The following TNR variants were observed in gnomAD, a reference collection of about 807,000 sequenced individuals.
TNR encodes the protein tenascin-R.
TNR carries 45 observed loss-of-function variants against 150.4 expected under a neutral mutation model. The ratio of observed to expected loss-of-function variants is 0.30; its 90% CI spans 0.24 to 0.38. The LOEUF (loss-of-function observed/expected upper bound fraction) is 0.38. TNR is among the 10% of genes least tolerant of loss of function. The probability of loss-of-function intolerance (pLI) is 1.00; values close to 1 mark genes in which losing one functional copy is unlikely to be tolerated. For missense variants in TNR, 1,544 were observed against 1,759.1 expected, an observed-to-expected ratio of 0.88 and a Z score of 2.19; for synonymous variants, 687 against 678.4, an observed-to-expected ratio of 1.01 and a Z score of -0.20.
At chr1:175,573,269 C>T (rs1661959954) in intron 1 of TNR, among the ~76,000 whole-genome samples, 1 of 152,184 alleles carries the variant, frequency 6.6e-6, no homozygotes, top group African/African-American at 2.4e-5. Context: ...TGTTTTGTAC[C>T]AGTAAAAGAT....
At chr1:175,459,863 G>T (rs1656737648) in intron 2 of TNR, among the ~76,000 whole-genome samples, 1 of 88,864 alleles carries the variant, frequency 1.1e-5, no homozygotes, top group South Asian at 3.5e-4. Context: ...CTATTGAAAT[G>T]AAAGAACAAG....
At position 175,413,384 on chromosome 1, in the gene TNR, C is replaced by T. The variant is rs561611099; in HGVS notation, c.-63-6607G>A. Among the ~76,000 whole-genome samples the T allele has an allele frequency of 1.5e-3, 232 of 152,330 alleles. 2 individuals carry two copies. Among genetic ancestry groups the T allele is most frequent in the African/African-American group, 4.7e-3 (194 of 41,580 alleles). ...ATTTTGCAGCTTGCCATGAGGAAGGCGTGGCCTAATGCTGTGGCATGTCTG... is the reference window on the plus strand; with the variant it reads ...ATTTTGCAGCTTGCCATGAGGAAGGTGTGGCCTAATGCTGTGGCATGTCTG... On this transcript the variant is annotated intron_variant, in intron 2 of 22. Transcript: ENST00000367674.
At chr1:175,738,885 C>T (rs1667846434) in intron 1 of TNR, among the ~76,000 whole-genome samples, 3 of 152,220 alleles carry the variant, frequency 2.0e-5, no homozygotes, top group Admixed American at 2.0e-4. Context: ...GGTAGGAAAT[C>T]TCATCTTTAT....
Position 175,396,098 on chromosome 1 carries a change from G to T in TNR, c.1240+446C>A, listed in dbSNP as rs112788644. ...AGGAGAAGGGGATGTTGTCAGCTGT[G>T]GTTTTAAATAAGATTTTTTTCTCAC... On this transcript the variant is annotated intron_variant, in intron 5 of 22. Coordinates refer to ENST00000367674, the MANE Select transcript of TNR (RefSeq NM_003285.3). Among the ~76,000 whole-genome samples, 9 of 152,266 alleles carry T rather than the reference G, an allele frequency of 5.9e-5. 1 individual carries two copies. The highest frequency in any genetic ancestry group is 2.2e-4 in the African/African-American group (9 of 41,546).
chr1:175,521,125 A>C (rs1264292009), intron 2 of TNR, among the ~76,000 whole-genome samples: 2 of 152,206 alleles, frequency 1.3e-5, no homozygotes, highest in Admixed American at 6.5e-5. Flanking sequence ...TTTGAGGGGC[A>C]GGAAGATTCC....
At chr1:175,430,548 G>A (rs906359728) in intron 2 of TNR, among the ~76,000 whole-genome samples, 1 of 152,164 alleles carries the variant, frequency 6.6e-6, no homozygotes, top group Non-Finnish European at 1.5e-5. Flanking sequence ...CATGGAATCA[G>A]AAAGCAGAAT....
intron 2 of TNR, among the ~76,000 whole-genome samples, chr1:175,408,249 T>A (rs947037235): frequency 9.2e-5 from 14 of 152,190 alleles, no homozygotes; most frequent in Admixed American, 4.6e-4. Flanking sequence ...AGTGCATAGT[T>A]GTTGAATAAG....
intron 2 of TNR, among the ~76,000 whole-genome samples, chr1:175,491,944 A>G (rs1333890713): frequency 6.7e-6 from 1 of 150,150 alleles, no homozygotes; most frequent in Non-Finnish European, 1.5e-5. Context: ...CACCACGCCC[A>G]GCCAGGCCCA....
intron 2 of TNR, among the ~76,000 whole-genome samples, chr1:175,496,020 G>A (rs1027293576): frequency 6.6e-6 from 1 of 152,160 alleles, no homozygotes; most frequent in Non-Finnish European, 1.5e-5. Context: ...CCTGCTGGCT[G>A]ATGTTTAACA....
At chr1:175,670,261 A>G (rs1156943940) in intron 1 of TNR, among the ~76,000 whole-genome samples, 8 of 152,110 alleles carry the variant, frequency 5.3e-5, no homozygotes, top group Non-Finnish European at 1.0e-4. Flanking sequence ...GTCAAAGCCC[A>G]TTTGGGGATT....
At chr1:175,341,977 G>A (rs1048328556) in intron 18 of TNR, among the ~76,000 whole-genome samples, 4 of 152,242 alleles carry the variant, frequency 2.6e-5, no homozygotes, top group Non-Finnish European at 4.4e-5. Flanking sequence ...CAGCCCACAT[G>A]GGGTGAGCCA....
Position 175,549,323 on chromosome 1 carries a change from C to T in TNR, c.-164-20954G>A, listed in dbSNP as rs144347591. 5.5e-3 allele frequency among the ~76,000 whole-genome samples: 844 copies of T among 152,322 alleles called. 4 individuals are homozygous for T. Among genetic ancestry groups the T allele is most frequent in the African/African-American group, 0.019 (800 of 41,574 alleles). On this transcript the variant is annotated intron_variant, in intron 1 of 22. Transcript: ENST00000367674. ...ATGTCTCAAACACTGATATTAAAAA[C>T]GGCAAGGCAATAACAATAGCAATGC... is the stretch of plus-strand genomic sequence containing the variant.
At chr1:175,637,695 A>T (rs756154305) in intron 1 of TNR, among the ~76,000 whole-genome samples, 3 of 152,222 alleles carry the variant, frequency 2.0e-5, no homozygotes, top group Non-Finnish European at 2.9e-5. Context: ...TGGCTGGATA[A>T]TTAAGTGTTG....
At chr1:175,364,256 A>G (rs2859049) in intron 12 of TNR, among the ~76,000 whole-genome samples, 81,186 of 151,782 alleles carry the variant, frequency 0.53, 21,885 homozygotes, top group East Asian at 0.7. Context: ...CCTATTGACT[A>G]TACAGGGATT....
chr1:175,425,895 G>A (rs762177234), intron 2 of TNR, among the ~76,000 whole-genome samples: 3 of 152,190 alleles, frequency 2.0e-5, no homozygotes, highest in Non-Finnish European at 2.9e-5. Flanking sequence ...GGAAGCCATA[G>A]CTTCCATGGT....
At chr1:175,718,503 A>G (rs1431576006) in intron 1 of TNR, among the ~76,000 whole-genome samples, 1 of 152,214 alleles carries the variant, frequency 6.6e-6, no homozygotes, top group Non-Finnish European at 1.5e-5. Flanking sequence ...AAATGCAAGG[A>G]GCAGGAAAGT....
intron 1 of TNR, among the ~76,000 whole-genome samples, chr1:175,654,838 C>G (rs997203412): frequency 6.6e-6 from 1 of 151,424 alleles, no homozygotes; most frequent in Non-Finnish European, 1.5e-5. Context: ...CCCGCCTCAG[C>G]CTCCCGAGTA....
intron 2 of TNR, among the ~76,000 whole-genome samples, chr1:175,448,027 A>T (rs1055747227): frequency 6.6e-6 from 1 of 152,136 alleles, no homozygotes; most frequent in African/African-American, 2.4e-5. Flanking sequence ...GGAAAAGAAA[A>T]TAGACTTCCG....
intron 1 of TNR, among the ~76,000 whole-genome samples, chr1:175,618,866 C>A (rs1338565572): frequency 1.3e-5 from 2 of 152,048 alleles, no homozygotes; most frequent in African/African-American, 4.8e-5. Flanking sequence ...GCCTTCTGCC[C>A]AGGAGCACCT....
Sources: allele counts gnomAD v4.1 joint callset (sites outside exome capture counted in the v4.1 genomes callset), GRCh38; gene constraint gnomAD v4.1.1; transcripts MANE v1.5; gene names NCBI Gene and HGNC (gene_info 2026-07-23, HGNC 2026-07-21).